Variants in ANLN observed in about 807,000 individuals in gnomAD.
The protein encoded by ANLN is anillin, actin binding protein.
ANLN carries 59 observed loss-of-function variants against 135.1 expected under a neutral mutation model. That is an observed-to-expected ratio of 0.44 (90% confidence interval 0.35 to 0.54). The LOEUF (loss-of-function observed/expected upper bound fraction) is 0.54, where lower values mean the gene tolerates loss of function less well. ANLN is among the 20% of genes least tolerant of loss of function. ANLN has a pLI of 0.00. For synonymous variants in ANLN, 406 were observed against 456.4 expected, an observed-to-expected ratio of 0.89 and a Z score of 1.41; for missense variants, 1,182 against 1,340.0, an observed-to-expected ratio of 0.88 and a Z score of 1.84.
At chr7:36,435,521 G>A (rs1325271689) in intron 20 of ANLN, among the ~76,000 whole-genome samples, 3 of 151,998 alleles carry the variant, frequency 2.0e-5, no homozygotes, top group Non-Finnish European at 4.4e-5. Context: ...CATTTAAGTG[G>A]AATCAAAGAA....
chr7:36,403,330 G>A (rs1279530386), intron 3 of ANLN, among the ~76,000 whole-genome samples: 3 of 152,092 alleles, frequency 2.0e-5, no homozygotes, highest in African/African-American at 4.8e-5. Flanking sequence ...GAATATGTTC[G>A]GGGCAATTTC....
intron 11 of ANLN, 92 bp from the exon 12 acceptor site, chr7:36,420,505 A>G (rs1787831846): frequency 7.0e-6 from 9 of 1,281,412 alleles, no homozygotes; most frequent in Admixed American, 1.9e-5. Context: ...GACATGTTCA[A>G]TATCAGTGTC....
intron 20 of ANLN, among the ~76,000 whole-genome samples, chr7:36,434,120 C>T (rs1317518264): frequency 1.3e-5 from 2 of 152,124 alleles, no homozygotes; most frequent in Admixed American, 1.3e-4. Flanking sequence ...ACAGTAGAGA[C>T]TGAAATAGGT....
intron 7 of ANLN, among the ~76,000 whole-genome samples, chr7:36,412,140 C>T (rs1175877854): frequency 6.6e-6 from 1 of 151,502 alleles, no homozygotes; most frequent in African/African-American, 2.4e-5. Flanking sequence ...CACACATATG[C>T]ATAAACACAC....
intron 19 of ANLN, among the ~76,000 whole-genome samples, 159 bp from the exon 20 acceptor site, chr7:36,426,757 G>C (rs939072432): frequency 1.3e-5 from 2 of 151,882 alleles, no homozygotes; most frequent in African/African-American, 4.8e-5. Context: ...TAGGAAATAA[G>C]TTGATTTTTC....
rs1012641567 is a variant in ANLN, at chr7:36,452,924, A to T, written c.*324A>T. The T allele has an allele frequency of 3.9e-5, 7 of 178,302 alleles. No homozygotes were observed. Among genetic ancestry groups the T allele is most frequent in the African/African-American group, 1.7e-4 (7 of 41,932 alleles). 11.0% of individuals were successfully genotyped at this position (178,302 alleles called of 1,614,324 possible). On this transcript the variant is annotated 3_prime_UTR_variant, in exon 24 of 24. Coordinates refer to ENST00000265748, the MANE Select transcript of ANLN (RefSeq NM_018685.5). ...AAGAAATTCTGAGTTGTCTTCTTGG[A>T]GCTGTAGGTCTTGAAGCAGCAACGT...
At chr7:36,395,468 G>A (rs1337300048) in intron 1 of ANLN, among the ~76,000 whole-genome samples, 1 of 152,096 alleles carries the variant, frequency 6.6e-6, no homozygotes, top group Non-Finnish European at 1.5e-5. Flanking sequence ...TTGTGATTAT[G>A]TTGGGCCTGA....
intron 18 of ANLN, 137 bp downstream of exon 18, chr7:36,425,877 T>C (rs1788058927): frequency 1.8e-6 from 2 of 1,126,048 alleles, no homozygotes; most frequent in Non-Finnish European, 2.6e-6. Flanking sequence ...GATATCCCTG[T>C]AATTTATGTA....
rs1306142341 is a variant in ANLN, at chr7:36,439,268, G to A, written c.2948G>A (p.Ser983Asn). 2 of 1,585,736 alleles carry A rather than the reference G, an allele frequency of 1.3e-6. No homozygotes were observed. Among genetic ancestry groups the A allele is most frequent in the East Asian group, 2.2e-5 (1 of 44,598 alleles). Residue 983 changes from serine (S) to asparagine (N), a missense_variant, in exon 21 of 24, where the codon AGT (serine) becomes AAT (asparagine). By Grantham distance (46) the Ser-to-Asn change is conservative. Transcript: ENST00000265748. ...YLKIKCQVNS[S>N]VEERGFLTIF... ...AAAATAAAATGTCAAGTGAATTCCA[G>A]TGTTGAAGAAAGAGGTTTTCTAGTA...
chr7:36,448,139 G>A (rs1319557020), intron 22 of ANLN, among the ~76,000 whole-genome samples: 2 of 151,840 alleles, frequency 1.3e-5, no homozygotes, highest in South Asian at 2.1e-4. Context: ...TCAGCCTCCC[G>A]AGTAGCTGGG....
At chr7:36,391,384 G>A (rs1562779407) in intron 1 of ANLN, among the ~76,000 whole-genome samples, 1 of 152,144 alleles carries the variant, frequency 6.6e-6, no homozygotes, top group Non-Finnish European at 1.5e-5. Flanking sequence ...GCTGAAAATT[G>A]CACTTCATTT....
At chr7:36,434,990 G>A (rs1171672371) in intron 20 of ANLN, among the ~76,000 whole-genome samples, 1 of 152,158 alleles carries the variant, frequency 6.6e-6, no homozygotes, top group Non-Finnish European at 1.5e-5. Context: ...GATTATGGGA[G>A]GGAGCTTTAG....
intron 11 of ANLN, 100 bp downstream of exon 11, chr7:36,420,414 T>C (rs914394953): frequency 8.4e-5 from 122 of 1,452,178 alleles, no homozygotes; most frequent in Admixed American, 2.1e-4. Context: ...TAATAACTCA[T>C]CTGTATAAAA....
intron 13 of ANLN, 81 bp from the exon 14 acceptor site, chr7:36,422,552 T>C (rs1787921185): frequency 8.0e-7 from 1 of 1,244,946 alleles, no homozygotes; most frequent in South Asian, 1.6e-5. Flanking sequence ...ACAGTTTCCA[T>C]ATCAGTACAC....
chr7:36,416,303 G>A (rs1787639942), intron 8 of ANLN, among the ~76,000 whole-genome samples: 2 of 152,220 alleles, frequency 1.3e-5, no homozygotes, highest in Admixed American at 1.3e-4. Flanking sequence ...ACAGGGGTCA[G>A]CCACTGCGCC....
At chr7:36,390,382 C>G (rs2116466466) in intron 1 of ANLN, 1 of 362,748 alleles carries the variant, frequency 2.8e-6, no homozygotes, top group African/African-American at 2.1e-5. Context: ...CGGAACGGGT[C>G]CTGCTGGAAG....
At chr7:36,436,967 A>G (rs559379025) in intron 20 of ANLN, among the ~76,000 whole-genome samples, 1 of 152,304 alleles carries the variant, frequency 6.6e-6, no homozygotes, top group South Asian at 2.1e-4. Context: ...TTGATGTGCA[A>G]AGGTCTATAA....
At chr7:36,433,088 T>C (rs1364673984) in intron 20 of ANLN, among the ~76,000 whole-genome samples, 2 of 152,246 alleles carry the variant, frequency 1.3e-5, no homozygotes, top group Non-Finnish European at 2.9e-5. Flanking sequence ...ATGCTGGGGT[T>C]ACAGTTGTGA....
chr7:36,422,122 G>A (rs1787900451), intron 13 of ANLN, 130 bp downstream of exon 13: 1 of 1,131,270 alleles, frequency 8.8e-7, no homozygotes, highest in African/African-American at 1.6e-5. Context: ...TCTATTTTTT[G>A]TTCTTGTTTT....
Sources: allele counts gnomAD v4.1 joint callset (sites outside exome capture counted in the v4.1 genomes callset), GRCh38; gene constraint gnomAD v4.1.1; transcripts MANE v1.5; gene names NCBI Gene and HGNC (gene_info 2026-07-23, HGNC 2026-07-21).